Variants in PRPF6 observed in about 807,000 individuals in gnomAD.
The protein encoded by PRPF6 is pre-mRNA-processing factor 6.
PRPF6 carries 42 observed loss-of-function variants against 118.3 expected under a neutral mutation model. The ratio of observed to expected loss-of-function variants is 0.35; its 90% CI spans 0.28 to 0.46. The LOEUF is 0.46. Ranked by LOEUF, PRPF6 falls within the 20% of genes least tolerant of loss-of-function variation. The pLI, the probability that PRPF6 is intolerant of heterozygous loss-of-function variation, is 1.00. For missense variants in PRPF6, 662 were observed against 1,255.7 expected (o/e 0.53, Z 7.15); for synonymous variants, 481 against 485.1 (o/e 0.99, Z 0.11).
chr20:64,032,494 C>T (rs1001882709), intron 20 of PRPF6, among the ~76,000 whole-genome samples: 2 of 152,212 alleles, frequency 1.3e-5, no homozygotes, highest in African/African-American at 4.8e-5. Context: ...GGCAGTCAGG[C>T]TGTCCTGGTC....
Position 64,032,855 on chromosome 20 carries a change from G to A in PRPF6, c.2688G>A (p.Glu896=). The change falls in exon 21 of 21, where the codon GAG becomes GAA. Residue 896 remains glutamate, a synonymous_variant. Transcript: ENST00000266079. ...GGTCCCCCCAGGAGCAGCAGGAGGA[G>A]GTGAGGAAGCGCTGTGAGAGTGCAG... is the stretch of plus-strand genomic sequence containing the variant. ...LQHGTEEQQE[E]VRKRCESAEP... is the part of the protein sequence containing the mutation. 6.2e-7 allele frequency: 1 copy of A among 1,610,742 alleles called. No homozygotes were observed. The highest frequency in any genetic ancestry group is 1.7e-5 in the Admixed American group (1 of 59,780).
intron 3 of PRPF6, among the ~76,000 whole-genome samples, chr20:63,986,739 C>G (rs550774835): frequency 7.6e-4 from 116 of 151,840 alleles, no homozygotes; most frequent in Non-Finnish European, 1.3e-3. Context: ...CCACCTGCCT[C>G]GGCCTCCCAA....
At position 63,981,269 on chromosome 20, in the gene PRPF6, C is replaced by T. The variant is rs751016032; in HGVS notation, c.24C>T (p.Phe8=). 82 of 1,609,064 alleles carry T rather than the reference C, an allele frequency of 5.1e-5. No individual in the cohort carries two copies. The African/African-American group carries it at 1.0e-3, about 20-fold the overall frequency. Residue 8 remains phenylalanine, a synonymous_variant, in exon 1 of 21, where the codon TTC becomes TTT. Coordinates refer to ENST00000266079, the MANE Select transcript of PRPF6 (RefSeq NM_012469.4). The part of the protein sequence containing the change: MNKKKKP[F]LGMPAPLGYV... ...CCATGAACAAGAAGAAGAAACCGTTCCTAGGGATGCCCGCGCCCCTCGGCT... is the reference window on the plus strand; with the variant it reads ...CCATGAACAAGAAGAAGAAACCGTTTCTAGGGATGCCCGCGCCCCTCGGCT...
chr20:64,024,748 G>A (rs1017685961), intron 14 of PRPF6, 55 bp downstream of exon 14: 11 of 1,585,738 alleles, frequency 6.9e-6, no homozygotes, highest in Non-Finnish European at 9.4e-6. Context: ...AGCTGACCTG[G>A]GTGCTGACTG....
At chr20:64,031,242 G>A (rs2059312594) in intron 19 of PRPF6, among the ~76,000 whole-genome samples, 1 of 152,260 alleles carries the variant, frequency 6.6e-6, no homozygotes, top group African/African-American at 2.4e-5. Context: ...TCCAGCAGGT[G>A]TCTCAGTGAG....
intron 9 of PRPF6, among the ~76,000 whole-genome samples, chr20:64,008,887 A>G (rs557325912): frequency 2.2e-4 from 33 of 152,246 alleles, no homozygotes; most frequent in African/African-American, 7.9e-4. Flanking sequence ...ATGCTTATTG[A>G]CCTTCAGACT....
At chr20:63,988,106 G>A (rs376154740) in intron 3 of PRPF6, among the ~76,000 whole-genome samples, 100 of 152,234 alleles carry the variant, frequency 6.6e-4, no homozygotes, top group African/African-American at 2.4e-3. Context: ...GATCACTTGA[G>A]GTCAGGAGTT....
In PRPF6 at chr20:64,027,082, A is replaced by G. The variant is rs965866643; in HGVS notation, c.2129A>G (p.Lys710Arg). The G allele has an allele frequency of 5.0e-6, 8 of 1,613,932 alleles. No homozygotes were observed. The highest frequency in any genetic ancestry group is 1.3e-5 in the African/African-American group (1 of 74,912). Residue 710 changes from lysine to arginine, a missense_variant, in exon 16 of 21, where the codon AAG becomes AGG. Physicochemically the swap from Lys to Arg is conservative, Grantham distance 26 (BLOSUM62 2). This residue lies in a region of PRPF6 where 244 missense variants were observed against 383.7 expected (regional missense o/e 0.64). Coordinates refer to ENST00000266079, the MANE Select transcript of PRPF6 (RefSeq NM_012469.4). This position sits in a 1 kb window ranked among gnomAD's most constrained non-coding sequence, Gnocchi z 6.5. ...CTGCGGCACTATGAGGACTTCCCCA[A>G]GCTGTGGATGATGAAGGGGCAGATC... ...EALRHYEDFP[K>R]LWMMKGQIEE... is the part of the protein sequence containing the mutation.
At chr20:64,022,302 G>A (rs189413178) in intron 12 of PRPF6, among the ~76,000 whole-genome samples, 59 of 152,272 alleles carry the variant, frequency 3.9e-4, no homozygotes, top group African/African-American at 1.2e-3. Flanking sequence ...CTGGATTGTG[G>A]TTCTACTTTC....
chr20:64,002,110 C>T (rs1002613775), intron 9 of PRPF6, among the ~76,000 whole-genome samples: 1 of 144,924 alleles, frequency 6.9e-6, no homozygotes, highest in Non-Finnish European at 1.5e-5. Context: ...GCTCCGCCTC[C>T]CGGGTTCACA....
intron 14 of PRPF6, among the ~76,000 whole-genome samples, chr20:64,025,260 A>G (rs1363125175): frequency 3.9e-5 from 6 of 152,130 alleles, no homozygotes; most frequent in African/African-American, 4.8e-5. Flanking sequence ...TTGAGATGGC[A>G]TCACTCCTGT....
chr20:63,995,087 C>T lies in PRPF6; in HGVS notation c.610C>T (p.Gln204Ter). 1.2e-6 allele frequency: 2 copies of T among 1,614,188 alleles called. No homozygotes were observed. Among genetic ancestry groups the T allele is most frequent in the Non-Finnish European group, 8.5e-7 (1 of 1,180,034 alleles). ...GAACCATACCTCAGTGGATCCCCGACAAACTGTGAGCTTCCAAAAAAGGGC... is the reference window on the plus strand; with the variant it reads ...GAACCATACCTCAGTGGATCCCCGATAAACTGTGAGCTTCCAAAAAAGGGC... ...GENHTSVDPR[Q>*]TQFGGLNTPY... The change falls in exon 5 of 21, where the codon CAA becomes TAA. Residue 204 changes from glutamine (Q) to a stop codon, truncating the protein, a stop_gained. Coordinates refer to ENST00000266079, the MANE Select transcript of PRPF6 (RefSeq NM_012469.4). LOFTEE classifies it high-confidence loss of function.
At chr20:64,004,929 C>T (rs1391820750) in intron 9 of PRPF6, among the ~76,000 whole-genome samples, 4 of 152,332 alleles carry the variant, frequency 2.6e-5, no homozygotes, top group South Asian at 4.1e-4. Flanking sequence ...CCGTCGCCAG[C>T]GTGTCCCTCT....
intron 6 of PRPF6, among the ~76,000 whole-genome samples, chr20:63,997,602 G>A (rs757879963): frequency 3.3e-5 from 5 of 151,848 alleles, no homozygotes; most frequent in African/African-American, 7.3e-5. Context: ...AACTATAGGC[G>A]TGTGCCACCA....
rs1487691848 is a variant in PRPF6 at position 64,026,081 on chromosome 20, G to T, written c.2028+23G>T. ...CGGGTACGCAGTGGCAGGCAGGGCT[G>T]GGCCGTCTGGGGTGCATGGTGTGCA... On this transcript the variant is annotated intron_variant, in intron 15 of 20. Coordinates refer to ENST00000266079, the MANE Select transcript of PRPF6 (RefSeq NM_012469.4). This position sits in a 1 kb window ranked among gnomAD's most constrained non-coding sequence, Gnocchi z 4.4. 5 of 1,599,138 alleles carry T rather than the reference G, an allele frequency of 3.1e-6. No homozygotes were observed. In the East Asian group the frequency reaches 1.1e-4, roughly 36 times the overall value.
At chr20:63,999,532 G>T (rs184303844) in intron 7 of PRPF6, 71 bp from the exon 8 acceptor site, 15 of 1,579,042 alleles carry the variant, frequency 9.5e-6, no homozygotes, top group Middle Eastern at 4.3e-4. Flanking sequence ...TGAAGTGGGT[G>T]CCCTCATCCC....
At position 64,026,085 on chromosome 20, in the gene PRPF6, C is replaced by T. The variant is rs201279655; in HGVS notation, c.2028+27C>T. On this transcript the variant is annotated intron_variant, in intron 15 of 20. Transcript: ENST00000266079. This position sits in a 1 kb window ranked among gnomAD's most constrained non-coding sequence, Gnocchi z 4.4. ...TACGCAGTGGCAGGCAGGGCTGGGC[C>T]GTCTGGGGTGCATGGTGTGCACATG... 2.3e-5 allele frequency: 36 copies of T among 1,598,786 alleles called. No individual in the cohort carries two copies. The highest frequency in any genetic ancestry group is 9.9e-5 in the South Asian group (9 of 90,994).
At position 64,001,058 on chromosome 20, in the gene PRPF6, C is replaced by T. The variant is rs769796331; in HGVS notation, c.1024-19C>T. On this transcript the variant is annotated intron_variant, in intron 8 of 20. Transcript: ENST00000266079. The stretch of plus-strand genomic sequence containing the variant: ...CCAGCCTGCACTGAGCCTTATTGGT[C>T]TTATCTCTTGCCTCACAGAGTGAAG... The T allele has an allele frequency of 1.9e-6, 3 of 1,613,454 alleles. No homozygotes were observed. The highest frequency in any genetic ancestry group is 2.2e-5 in the East Asian group (1 of 44,894).
intron 4 of PRPF6, among the ~76,000 whole-genome samples, chr20:63,994,630 G>T (rs886755914): frequency 6.6e-6 from 1 of 152,104 alleles, no homozygotes; most frequent in Non-Finnish European, 1.5e-5. Flanking sequence ...ACTTAGCCAG[G>T]CATGGTGGCC....
Sources: allele counts gnomAD v4.1 joint callset (sites outside exome capture counted in the v4.1 genomes callset), GRCh38; gene constraint gnomAD v4.1.1; regional missense constraint gnomAD v4.1.1; non-coding constraint Gnocchi (gnomAD v3.1); transcripts MANE v1.5; gene names NCBI Gene and HGNC (gene_info 2026-07-23, HGNC 2026-07-21).